Variants in TTC9 observed in about 807,000 individuals in gnomAD.
TTC9 encodes the protein tetratricopeptide repeat domain 9, also known as tetratricopeptide repeat protein 9A.
TTC9 carries 13 observed loss-of-function variants against 22.9 expected under a neutral mutation model. The ratio of observed to expected loss-of-function variants is 0.57; its 90% CI spans 0.37 to 0.90. The LOEUF is 0.90. TTC9 is among the 40% of genes least tolerant of loss of function. The probability of loss-of-function intolerance (pLI) is 0.01; values close to 1 mark genes in which losing one functional copy is unlikely to be tolerated. For synonymous variants in TTC9, 148 were observed against 133.2 expected, an observed-to-expected ratio of 1.11 and a Z score of -0.77; for missense variants, 280 against 291.8, an observed-to-expected ratio of 0.96 and a Z score of 0.29.
chr14:70,645,403 C>G (rs1429015405), intron 1 of TTC9, among the ~76,000 whole-genome samples: 1 of 152,188 alleles, frequency 6.6e-6, no homozygotes, highest in Non-Finnish European at 1.5e-5. Flanking sequence ...TAAATGTAAA[C>G]AGTTTACAAA....
At chr14:70,663,786 T>C (rs1194378243) in intron 1 of TTC9, among the ~76,000 whole-genome samples, 1 of 152,204 alleles carries the variant, frequency 6.6e-6, no homozygotes, top group African/African-American at 2.4e-5. Context: ...CAATTTTTGC[T>C]TGTTAGCTTT....
At chr14:70,647,084 T>G (rs1160858632) in intron 1 of TTC9, among the ~76,000 whole-genome samples, 1 of 152,244 alleles carries the variant, frequency 6.6e-6, no homozygotes, top group Non-Finnish European at 1.5e-5. Flanking sequence ...ATAAAAAATT[T>G]TAAAATTTAA....
At chr14:70,651,201 C>CT (rs1299105611) in intron 1 of TTC9, among the ~76,000 whole-genome samples, 1 of 152,214 alleles carries the variant, frequency 6.6e-6, no homozygotes, top group Non-Finnish European at 1.5e-5. Flanking sequence ...AGGATGGCCT[C>CT]TAACTCCCAG....
intron 1 of TTC9, among the ~76,000 whole-genome samples, chr14:70,654,462 A>G (rs1339525580): frequency 6.6e-6 from 1 of 151,392 alleles, no homozygotes; most frequent in African/African-American, 2.4e-5. Context: ...GTGGCGGTAT[A>G]TGCTTGTAGT....
rs1886336707 is a variant in TTC9, at chr14:70,674,234, G to A, written c.*3079G>A. 1 of 152,098 alleles carries A rather than the reference G, an allele frequency of 6.6e-6. No individual in the cohort carries two copies. The highest frequency in any genetic ancestry group is 2.1e-4 in the South Asian group (1 of 4,828). The allele number at this position is 152,098 out of a possible 1,614,324, so 9.4% of individuals were successfully genotyped here. A position where few individuals can be genotyped will look rare whatever the true frequency, so the allele number is the denominator to read the frequency against. On this transcript the variant is annotated 3_prime_UTR_variant, in exon 3 of 3. Coordinates refer to ENST00000256367, the MANE Select transcript of TTC9 (RefSeq NM_015351.2). ...GACCTGCACTGTCATCCCCTGCCTGGACTTTTGCGATGGACTCTTTGGGGG... is the reference window on the plus strand; with the variant it reads ...GACCTGCACTGTCATCCCCTGCCTGAACTTTTGCGATGGACTCTTTGGGGG...
At chr14:70,645,172 G>T (rs1885885808) in intron 1 of TTC9, among the ~76,000 whole-genome samples, 1 of 152,150 alleles carries the variant, frequency 6.6e-6, no homozygotes, top group Non-Finnish European at 1.5e-5. Flanking sequence ...CCTTATGTTT[G>T]TTTCCTTCAG....
At chr14:70,646,395 A>G (rs1023641057) in intron 1 of TTC9, among the ~76,000 whole-genome samples, 2 of 151,778 alleles carry the variant, frequency 1.3e-5, no homozygotes, top group African/African-American at 4.8e-5. Context: ...AAGACACAGG[A>G]CTCCCCTGGG....
chr14:70,665,738 A>AAAAAATCTG (rs1886206924), intron 1 of TTC9, among the ~76,000 whole-genome samples: 1 of 152,210 alleles, frequency 6.6e-6, no homozygotes, highest in East Asian at 1.9e-4. Context: ...AAATGCTCAA[A>AAAAAATCTG]AAAAATCTGG....
At chr14:70,656,222 C>T (rs1339782694) in intron 1 of TTC9, among the ~76,000 whole-genome samples, 1 of 141,998 alleles carries the variant, frequency 7.0e-6, no homozygotes, top group Non-Finnish European at 1.6e-5. Context: ...CACACACACA[C>T]ACACACACAC....
chr14:70,649,442 T>C (rs1294670264), intron 1 of TTC9, among the ~76,000 whole-genome samples: 1 of 141,480 alleles, frequency 7.1e-6, no homozygotes. Flanking sequence ...CATGAACTTA[T>C]GTATATATAA....
chr14:70,661,493 C>G (rs1283804923), intron 1 of TTC9, among the ~76,000 whole-genome samples: 1 of 152,210 alleles, frequency 6.6e-6, no homozygotes, highest in Non-Finnish European at 1.5e-5. Context: ...TTCTGTTCAG[C>G]AGGTAAAAGC....
intron 1 of TTC9, among the ~76,000 whole-genome samples, chr14:70,645,323 T>C (rs977663563): frequency 9.2e-5 from 14 of 152,162 alleles, no homozygotes; most frequent in Non-Finnish European, 2.1e-4. Flanking sequence ...AAGAAGAAAA[T>C]ACACAATTAC....
intron 1 of TTC9, among the ~76,000 whole-genome samples, chr14:70,659,122 A>ACACACACG (rs758862304): frequency 0.029 from 1,253 of 43,016 alleles, 13 homozygotes; most frequent in African/African-American, 0.061. Context: ...ATAACTAAAC[A>ACACACACG]CACACACACG....
At chr14:70,666,427 A>G (rs1164857118) in intron 1 of TTC9, among the ~76,000 whole-genome samples, 2 of 152,196 alleles carry the variant, frequency 1.3e-5, no homozygotes, top group Non-Finnish European at 2.9e-5. Context: ...CCCCTCTCTC[A>G]GGAACTGCAG....
Position 70,673,314 on chromosome 14 carries a change from A to AAGTT in TTC9, c.*2161_*2164dup, listed in dbSNP as rs1336996990. 6.6e-6 allele frequency: 1 copy of AAGTT among 152,240 alleles called. No homozygotes were observed. Among genetic ancestry groups the AAGTT allele is most frequent in the Non-Finnish European group, 1.5e-5 (1 of 68,056 alleles). 9.4% of individuals were successfully genotyped at this position (152,240 alleles called of 1,614,324 possible). A position where few individuals can be genotyped will look rare whatever the true frequency, so the allele number is the denominator to read the frequency against. On this transcript the variant is annotated 3_prime_UTR_variant, in exon 3 of 3. Coordinates refer to ENST00000256367, the MANE Select transcript of TTC9 (RefSeq NM_015351.2). ...CGAGGGGCCCAGAAGAGAGCAGCGT[A>AAGTT]AGTTATATTCACATAGTTCCCCAAA...
chr14:70,662,677 T>C (rs12436215), intron 1 of TTC9, among the ~76,000 whole-genome samples: 35,156 of 152,222 alleles, frequency 0.23, 4,315 homozygotes, highest in Admixed American at 0.3. Context: ...TCTCTCATTT[T>C]GCAGATGCCC....
intron 1 of TTC9, among the ~76,000 whole-genome samples, chr14:70,644,330 G>A (rs944864235): frequency 2.6e-5 from 4 of 152,168 alleles, no homozygotes; most frequent in African/African-American, 7.2e-5. Context: ...AAACTTCAAC[G>A]GTGAGAGAAT....
rs766891834 is a variant in TTC9 at position 70,671,111 on chromosome 14, A to T, written c.625A>T (p.Met209Leu). Residue 209 changes from methionine (M) to leucine (L), a missense_variant, in exon 3 of 3, where the codon ATG becomes TTG. By Grantham distance (15) the Met-to-Leu change is conservative. Coordinates refer to ENST00000256367, the MANE Select transcript of TTC9 (RefSeq NM_015351.2). ...NVIRYIQLTE[M>L]KLSRCSQREK... is the part of the protein sequence containing the mutation. The stretch of plus-strand genomic sequence containing the variant: ...GATTCGGTATATCCAGCTGACGGAG[A>T]TGAAACTCAGCCGATGCTCCCAGAG... 24 of 1,613,598 alleles carry T rather than the reference A, an allele frequency of 1.5e-5. No individual in the cohort carries two copies. The highest frequency in any genetic ancestry group is 1.9e-5 in the Non-Finnish European group (22 of 1,179,760).
In TTC9 at chr14:70,645,571, G is replaced by A. The variant is rs560491892; in HGVS notation, c.406+3036G>A. Among the ~76,000 whole-genome samples, 335 of 152,316 alleles carry A rather than the reference G, an allele frequency of 2.2e-3. 1 individual carries two copies. The highest frequency in any genetic ancestry group is 7.7e-3 in the African/African-American group (318 of 41,548). On this transcript the variant is annotated intron_variant, in intron 1 of 2. Transcript: ENST00000256367. ...GTGTATTTATACTTCTCATTGGCTA[G>A]AAAGGAAGGAAAGATGATCACTGGT...
Sources: allele counts gnomAD v4.1 joint callset (sites outside exome capture counted in the v4.1 genomes callset), GRCh38; gene constraint gnomAD v4.1.1; transcripts MANE v1.5; gene names NCBI Gene and HGNC (gene_info 2026-07-23, HGNC 2026-07-21).